ARAP2: variants seen among roughly 807,000 people sequenced by gnomAD.
ARAP2 encodes arf-GAP with Rho-GAP domain, ANK repeat and PH domain-containing protein 2.
Under a neutral mutation model 194.5 loss-of-function variants are expected in ARAP2, and 148 were observed. The observed-to-expected ratio is 0.76, with a 90% confidence interval of 0.67 to 0.87. ARAP2 has a LOEUF of 0.87. ARAP2 is among the 40% of genes least tolerant of loss of function. ARAP2 has a pLI of 0.00. For missense variants in ARAP2, 2,128 were observed against 1,989.7 expected (o/e 1.07, Z -1.32); for synonymous variants, 695 against 683.5 (o/e 1.02, Z -0.26).
Position 36,128,759 on chromosome 4 carries a change from A to C in ARAP2, c.3428-14T>G. On this transcript the variant is annotated splice_polypyrimidine_tract_variant and intron_variant, in intron 20 of 32. Coordinates refer to ENST00000303965, the MANE Select transcript of ARAP2 (RefSeq NM_015230.4). ...TGCATCCTAAACCTTTGTTTAAAAAAAAAAAGTTATACTTTAAAAGTCTAA... is the reference window on the plus strand; with the variant it reads ...TGCATCCTAAACCTTTGTTTAAAAACAAAAAGTTATACTTTAAAAGTCTAA... The C allele has an allele frequency of 6.4e-7, 1 of 1,572,730 alleles. No individual in the cohort carries two copies. Among genetic ancestry groups the C allele is most frequent in the Non-Finnish European group, 8.6e-7 (1 of 1,158,216 alleles).
chr4:36,006,458 T>A (rs1039947619), intron 10 of ARAP2: 1 of 152,206 alleles, frequency 6.6e-6, no homozygotes, highest in African/African-American at 2.4e-5. Context: ...CCTAAGATCG[T>A]GTGGTTAGTG....
At chr4:36,026,505 G>C (rs1440221981) in intron 5 of ARAP2, among the ~76,000 whole-genome samples, 1 of 152,150 alleles carries the variant, frequency 6.6e-6, no homozygotes, top group African/African-American at 2.4e-5. Context: ...CATCTGCTGT[G>C]AGTGACAATG....
intron 1 of ARAP2, among the ~76,000 whole-genome samples, chr4:36,229,944 G>A (rs1040968243): frequency 2.6e-5 from 4 of 152,162 alleles, no homozygotes; most frequent in African/African-American, 9.7e-5. Context: ...TTAAAAATGA[G>A]GGAACCAGTA....
chr4:36,100,103 C>T (rs1002269208), intron 27 of ARAP2, among the ~76,000 whole-genome samples: 1 of 152,038 alleles, frequency 6.6e-6, no homozygotes, highest in African/African-American at 2.4e-5. Flanking sequence ...TGTTTCTCCA[C>T]TTATCAGCAG....
intron 27 of ARAP2, among the ~76,000 whole-genome samples, chr4:36,100,075 G>A (rs191490250): frequency 4.9e-4 from 74 of 152,110 alleles, no homozygotes; most frequent in Middle Eastern, 6.8e-3. Flanking sequence ...GATATGGAGC[G>A]ATCTTGACTA....
At chr4:36,071,794 C>T (rs1727021166) in intron 32 of ARAP2, among the ~76,000 whole-genome samples, 1 of 150,828 alleles carries the variant, frequency 6.6e-6, no homozygotes, top group African/African-American at 2.4e-5. Flanking sequence ...TGGTGCGCTG[C>T]ACCCACTAAC....
rs113000344 is a variant in ARAP2, at chr4:36,139,455, T to G, written c.3264-6066A>C. ...TTTTCCAAAAAAAGTTAAAAATTTA[T>G]TAAATAAATTGATTATTTCAAAGGA... On this transcript the variant is annotated intron_variant, in intron 19 of 32. Coordinates refer to ENST00000303965, the MANE Select transcript of ARAP2 (RefSeq NM_015230.4). 7.2e-3 allele frequency among the ~76,000 whole-genome samples: 1,090 copies of G among 151,834 alleles called. 16 individuals are homozygous for G. Among genetic ancestry groups the G allele is most frequent in the African/African-American group, 0.025 (1,033 of 41,504 alleles).
chr4:36,145,955 G>A lies in ARAP2; in HGVS notation c.3263+1341C>T, dbSNP rs1033540704. ...TAATTTTAGACATGCGTATTCAACC[G>A]CTTACTCACCAGATCCACTTTGCCA... is the stretch of plus-strand genomic sequence containing the variant. On this transcript the variant is annotated intron_variant, in intron 19 of 32. Coordinates refer to ENST00000303965, the MANE Select transcript of ARAP2 (RefSeq NM_015230.4). Among the ~76,000 whole-genome samples, 5 of 151,830 alleles carry A rather than the reference G, an allele frequency of 3.3e-5. No individual in the cohort carries two copies. The South Asian group carries it at 8.3e-4, about 25-fold the overall frequency.
At chr4:36,011,264 G>A (rs1056654290) in intron 9 of ARAP2, among the ~76,000 whole-genome samples, 3 of 151,926 alleles carry the variant, frequency 2.0e-5, no homozygotes, top group Non-Finnish European at 2.9e-5. Flanking sequence ...ACCATTACAC[G>A]TTTTTCAAGT....
Position 36,073,692 on chromosome 4 carries a change from A to C in ARAP2, c.4740T>G (p.Ile1580Met), listed in dbSNP as rs764034464. The C allele has an allele frequency of 6.2e-7, 1 of 1,611,522 alleles. No individual in the cohort carries two copies. The highest frequency in any genetic ancestry group is 1.1e-5 in the South Asian group (1 of 90,706). Residue 1580 changes from isoleucine to methionine, a missense_variant, in exon 32 of 33, where the codon ATT becomes ATG. Coordinates refer to ENST00000303965, the MANE Select transcript of ARAP2 (RefSeq NM_015230.4). ...EGNATLARKN[I>M]ESARAELERL... is the part of the protein sequence containing the mutation. Reference sequence around the variant, plus strand: ...AACAAACAAAATCCTAACCTACCTCAATATTTTTCCGGGCCAAGGTTGCAT... The same window carrying C: ...AACAAACAAAATCCTAACCTACCTCCATATTTTTCCGGGCCAAGGTTGCAT...
At chr4:36,042,478 A>G (rs1721031689) in intron 5 of ARAP2, among the ~76,000 whole-genome samples, 1 of 152,238 alleles carries the variant, frequency 6.6e-6, no homozygotes, top group Admixed American at 6.5e-5. Context: ...ACTTAACACA[A>G]TTATGGGACT....
chr4:36,142,876 G>A (rs1480618520), intron 19 of ARAP2, among the ~76,000 whole-genome samples: 1 of 151,598 alleles, frequency 6.6e-6, no homozygotes, highest in Non-Finnish European at 1.5e-5. Context: ...TCTCCAATCT[G>A]TTAATCTTTT....
intron 16 of ARAP2, 70 bp downstream of exon 16, chr4:36,150,828 CAA>C: frequency 6.7e-7 from 1 of 1,500,366 alleles, no homozygotes; most frequent in Non-Finnish European, 9.1e-7. Flanking sequence ...AAAATGATAA[CAA>C]AACTCTCATT....
At chr4:36,007,996 G>A (rs1183256016) in intron 9 of ARAP2, among the ~76,000 whole-genome samples, 1 of 151,682 alleles carries the variant, frequency 6.6e-6, no homozygotes, top group Non-Finnish European at 1.5e-5. Context: ...AAGAGGTAAA[G>A]GATCTCTACA....
intron 12 of ARAP2, 79 bp downstream of exon 12, chr4:36,161,386 C>G (rs145040435): frequency 3.3e-6 from 4 of 1,221,108 alleles, no homozygotes; most frequent in Non-Finnish European, 4.8e-6. Flanking sequence ...TCCTGCCACC[C>G]AAACCCACAG....
intron 31 of ARAP2, among the ~76,000 whole-genome samples, chr4:36,077,275 C>T (rs1354302392): frequency 6.6e-6 from 1 of 152,056 alleles, no homozygotes; most frequent in Admixed American, 6.6e-5. Flanking sequence ...ATGTAAACGC[C>T]ATATCTGATC....
chr4:36,168,684 C>T (rs1274994186), intron 9 of ARAP2, among the ~76,000 whole-genome samples: 4 of 151,976 alleles, frequency 2.6e-5, no homozygotes, highest in East Asian at 1.9e-4. Flanking sequence ...AATCATCAAC[C>T]GAATTTTTTT....
At chr4:36,147,922 A>G (rs1193350319) in intron 17 of ARAP2, among the ~76,000 whole-genome samples, 176 bp from the exon 18 acceptor site, 2 of 152,344 alleles carry the variant, frequency 1.3e-5, no homozygotes, top group African/African-American at 2.4e-5. Flanking sequence ...CTGAACAACT[A>G]TAATGCATTT....
At chr4:36,168,376 A>C (rs996437451) in intron 9 of ARAP2, among the ~76,000 whole-genome samples, 1 of 152,212 alleles carries the variant, frequency 6.6e-6, no homozygotes, top group African/African-American at 2.4e-5. Context: ...AGGATGCGAA[A>C]GTGAGGACAA....
Sources: allele counts gnomAD v4.1 joint callset (sites outside exome capture counted in the v4.1 genomes callset), GRCh38; gene constraint gnomAD v4.1.1; transcripts MANE v1.5; gene names NCBI Gene and HGNC (gene_info 2026-07-23, HGNC 2026-07-21).